Variants in PPP2R2A observed in about 807,000 individuals in gnomAD.
PPP2R2A encodes the protein serine/threonine-protein phosphatase 2A 55 kDa regulatory subunit B alpha isoform.
In PPP2R2A, 9 loss-of-function variants were observed where a neutral mutation model predicts 53.2. That is an observed-to-expected ratio of 0.17 (90% CI 0.10 to 0.30). The LOEUF (loss-of-function observed/expected upper bound fraction) is 0.30, where lower values mean the gene tolerates loss of function less well. Among genes scored for constraint, PPP2R2A ranks in the 10% least tolerant of loss-of-function variants. The pLI is 1.00. For missense variants in PPP2R2A, 235 were observed against 534.6 expected, an observed-to-expected ratio of 0.44 and a Z score of 5.53; for synonymous variants, 169 against 174.2, an observed-to-expected ratio of 0.97 and a Z score of 0.23.
chr8:26,306,433 G>A (rs1363073557), intron 2 of PPP2R2A, among the ~76,000 whole-genome samples: 1 of 147,982 alleles, frequency 6.8e-6, no homozygotes, highest in Non-Finnish European at 1.5e-5. Context: ...CAAAGATCGC[G>A]CCACTGTACT....
intron 2 of PPP2R2A, among the ~76,000 whole-genome samples, chr8:26,296,613 A>G (rs565970650): frequency 6.6e-6 from 1 of 152,356 alleles, no homozygotes; most frequent in East Asian, 1.9e-4. Flanking sequence ...ACTGTTACAT[A>G]CTACAGAGTT....
At chr8:26,339,637 T>A (rs1256876149) in intron 3 of PPP2R2A, among the ~76,000 whole-genome samples, 1 of 152,152 alleles carries the variant, frequency 6.6e-6, no homozygotes, top group Non-Finnish European at 1.5e-5. Context: ...AATTTTTTGC[T>A]AAACAAAATT....
At chr8:26,334,836 A>G (rs1803573512) in intron 2 of PPP2R2A, among the ~76,000 whole-genome samples, 1 of 152,262 alleles carries the variant, frequency 6.6e-6, no homozygotes, top group Non-Finnish European at 1.5e-5. Flanking sequence ...CGCTAGCTAC[A>G]TATGGGTATC....
chr8:26,328,676 C>A (rs1803215546), intron 2 of PPP2R2A, among the ~76,000 whole-genome samples: 1 of 152,114 alleles, frequency 6.6e-6, no homozygotes, highest in South Asian at 2.1e-4. Context: ...CATCGTAGAC[C>A]ATATTCTTAG....
At position 26,362,533 on chromosome 8, in the gene PPP2R2A, C is replaced by A. The variant is rs1563325132; in HGVS notation, c.638-151C>A. ...AAAAATTAAAAAAAAAAGTTTTAAT[C>A]CCTTTGGAATTTATACTCATAAAAA... On this transcript the variant is annotated intron_variant, in intron 6 of 9. Coordinates refer to ENST00000380737, the MANE Select transcript of PPP2R2A (RefSeq NM_002717.4). The surrounding 1 kb of genome is among the most constrained non-coding windows in gnomAD (Gnocchi z 4.4). 2.8e-6 allele frequency: 2 copies of A among 710,502 alleles called. No homozygotes were observed. The highest frequency in any genetic ancestry group is 2.2e-5 in the South Asian group (1 of 45,294). The allele number at this position is 710,502 out of a possible 1,614,324, so 44.0% of individuals were successfully genotyped here. A position where few individuals can be genotyped will look rare whatever the true frequency, so the allele number is the denominator to read the frequency against.
chr8:26,310,356 T>C (rs2117230483), intron 2 of PPP2R2A, among the ~76,000 whole-genome samples: 1 of 146,778 alleles, frequency 6.8e-6, no homozygotes, highest in African/African-American at 2.5e-5. Flanking sequence ...AATTTTTATA[T>C]TATATCTGTT....
At chr8:26,346,012 C>T (rs1334190417) in intron 3 of PPP2R2A, among the ~76,000 whole-genome samples, 4 of 151,640 alleles carry the variant, frequency 2.6e-5, no homozygotes, top group African/African-American at 7.3e-5. Context: ...TTCTTTTGTT[C>T]CCTTTTAAAT....
intron 3 of PPP2R2A, among the ~76,000 whole-genome samples, chr8:26,349,686 A>G (rs764062056): frequency 9.8e-5 from 15 of 152,338 alleles, no homozygotes; most frequent in Non-Finnish European, 2.1e-4. Context: ...AGGTCAAGAA[A>G]TAGAACTTCC....
At chr8:26,292,027 G>A in intron 1 of PPP2R2A, 1 of 1,104,494 alleles carries the variant, frequency 9.1e-7, no homozygotes, top group Non-Finnish European at 1.1e-6. Context: ...ACTGGGCTTG[G>A]AGAACGGGGC....
intron 3 of PPP2R2A, among the ~76,000 whole-genome samples, chr8:26,351,513 A>C (rs1036314972): frequency 6.6e-6 from 1 of 152,198 alleles, no homozygotes; most frequent in African/African-American, 2.4e-5. Flanking sequence ...GATACAGACT[A>C]TTTCCATCAT....
At chr8:26,346,306 A>C (rs535330901) in intron 3 of PPP2R2A, among the ~76,000 whole-genome samples, 2 of 151,812 alleles carry the variant, frequency 1.3e-5, no homozygotes, top group Non-Finnish European at 2.9e-5. Flanking sequence ...ATGCCTGGTT[A>C]ATTTTTGTGT....
intron 2 of PPP2R2A, among the ~76,000 whole-genome samples, chr8:26,323,945 T>G (rs1005793660): frequency 6.6e-6 from 1 of 152,248 alleles, no homozygotes; most frequent in African/African-American, 2.4e-5. Context: ...CCAGTTTTCA[T>G]TGTTTTCACA....
intron 2 of PPP2R2A, among the ~76,000 whole-genome samples, chr8:26,295,285 A>G (rs1801493990): frequency 6.6e-6 from 1 of 152,226 alleles, no homozygotes; most frequent in Admixed American, 6.5e-5. Context: ...ATTACGCAGA[A>G]AGATCACATG....
chr8:26,364,753 A>G (rs982645708), intron 8 of PPP2R2A, among the ~76,000 whole-genome samples: 4 of 152,238 alleles, frequency 2.6e-5, no homozygotes, highest in Non-Finnish European at 4.4e-5. Flanking sequence ...ATAGTTCACT[A>G]TTGAGCAACA....
Position 26,321,765 on chromosome 8 carries a change from G to C in PPP2R2A, c.83-17125G>C, listed in dbSNP as rs1053017567. ...GAGACCTTGAACGCAAGGCCCCCTG[G>C]CTAAGTCACACCTAGATTCCTGACC... On this transcript the variant is annotated intron_variant, in intron 2 of 9. Transcript: ENST00000380737. The surrounding 1 kb of genome is among the most constrained non-coding windows in gnomAD (Gnocchi z 4.1). Among the ~76,000 whole-genome samples, 1 of 152,128 alleles carries C rather than the reference G, an allele frequency of 6.6e-6. No homozygotes were observed. The highest frequency in any genetic ancestry group is 2.4e-5 in the African/African-American group (1 of 41,438).
chr8:26,324,670 C>T (rs1391674135), intron 2 of PPP2R2A, among the ~76,000 whole-genome samples: 2 of 152,188 alleles, frequency 1.3e-5, no homozygotes, highest in Non-Finnish European at 2.9e-5. Context: ...GGGCTACCAT[C>T]CTCCAGACTA....
intron 9 of PPP2R2A, among the ~76,000 whole-genome samples, chr8:26,368,968 C>T (rs567762004): frequency 1.8e-4 from 28 of 151,678 alleles, no homozygotes; most frequent in Non-Finnish European, 4.0e-4. Context: ...ACTAGCCGGG[C>T]GTGGTGGCGG....
rs576493083 is a variant in PPP2R2A at position 26,352,152 on chromosome 8, A to C, written c.181-2316A>C. 7.7e-4 allele frequency among the ~76,000 whole-genome samples: 118 copies of C among 152,350 alleles called. 1 individual carries two copies. The highest frequency in any genetic ancestry group is 2.7e-3 in the African/African-American group (111 of 41,574). On this transcript the variant is annotated intron_variant, in intron 3 of 9. Transcript: ENST00000380737. ...CAGGTAAAGCCAGTATGAATTGTTG[A>C]AGGATGTGTCACAATTCTGTATGAC...
At chr8:26,364,678 C>T (rs192842416) in intron 8 of PPP2R2A, among the ~76,000 whole-genome samples, 69 of 152,222 alleles carry the variant, frequency 4.5e-4, no homozygotes, top group African/African-American at 1.5e-3. Flanking sequence ...GTTTTTGATA[C>T]GTGAAATTTC....
Sources: gnomAD v4.1 joint callset for allele counts (sites outside exome capture counted in the v4.1 genomes callset) on GRCh38, gnomAD v4.1.1 for gene constraint, Gnocchi (gnomAD v3.1) non-coding constraint, MANE v1.5 for transcripts, NCBI Gene and HGNC (gene_info 2026-07-23, HGNC 2026-07-21) for gene names.